Variants in NFYC observed in about 807,000 individuals in gnomAD.
NFYC encodes nuclear transcription factor Y subunit gamma, also known as CAAT box DNA-binding protein subunit C.
In NFYC, 25 loss-of-function variants were observed where a neutral mutation model predicts 53.1. The observed-to-expected ratio is 0.47, with a 90% CI of 0.34 to 0.66. NFYC has a LOEUF of 0.66. Among genes scored for constraint, NFYC ranks in the 30% least tolerant of loss-of-function variants. NFYC has a pLI of 0.01. For missense variants in NFYC, 260 were observed against 422.7 expected, an observed-to-expected ratio of 0.62 and a Z score of 3.38; for synonymous variants, 145 against 152.6, an observed-to-expected ratio of 0.95 and a Z score of 0.37.
At chr1:40,763,618 A>AT (rs1346006760) in intron 7 of NFYC, 3 of 344,968 alleles carry the variant, frequency 8.7e-6, no homozygotes, top group African/African-American at 6.5e-5. Context: ...AAGTGCTGGG[A>AT]TTACAGGCAT....
intron 1 of NFYC, among the ~76,000 whole-genome samples, chr1:40,716,009 C>T (rs1644122733): frequency 1.3e-5 from 2 of 152,164 alleles, no homozygotes; most frequent in African/African-American, 4.8e-5. Flanking sequence ...AAAGGGAAGA[C>T]CTGCTCAATT....
chr1:40,714,948 C>T (rs912460964), intron 1 of NFYC, among the ~76,000 whole-genome samples: 1 of 151,926 alleles, frequency 6.6e-6, no homozygotes, highest in East Asian at 1.9e-4. Flanking sequence ...GGTGTGGTGG[C>T]GGGCGCCTGT....
intron 1 of NFYC, chr1:40,723,378 A>C (rs1644395603): frequency 6.6e-6 from 1 of 152,242 alleles, no homozygotes; most frequent in South Asian, 2.1e-4. Flanking sequence ...TTGAGGCCTG[A>C]AAAACCAGTT....
chr1:40,728,894 T>C (rs1041319915), intron 1 of NFYC, among the ~76,000 whole-genome samples: 1 of 152,220 alleles, frequency 6.6e-6, no homozygotes, highest in Non-Finnish European at 1.5e-5. Flanking sequence ...CGCCTTGGCC[T>C]CCCAAAGTGT....
At chr1:40,692,147 C>A in intron 1 of NFYC, 1 of 186,344 alleles carries the variant, frequency 5.4e-6, no homozygotes, top group Non-Finnish European at 1.2e-5. Flanking sequence ...TGGTCGGTGG[C>A]GGGGAGGCCG....
chr1:40,761,613 G>A (rs1269144029), intron 6 of NFYC, among the ~76,000 whole-genome samples: 5 of 152,102 alleles, frequency 3.3e-5, no homozygotes, highest in Admixed American at 2.0e-4. Context: ...ACACTCTGTC[G>A]TCTTTCTTTT....
rs113112874 is a variant in NFYC, at chr1:40,729,107, T to G, written c.-8-9729T>G. Among the ~76,000 whole-genome samples the G allele has an allele frequency of 1.6e-4, 24 of 152,188 alleles. 4 individuals are homozygous for G. The highest frequency in any genetic ancestry group is 5.5e-4 in the African/African-American group (23 of 41,516). On this transcript the variant is annotated intron_variant, in intron 1 of 9. Transcript: ENST00000447388. ...CTCCATTTATAGAGCACAGGCAGAG[T>G]AGATTTTGTATAATTCTTAAGGGCC...
chr1:40,721,196 C>T (rs1042535319), intron 1 of NFYC, among the ~76,000 whole-genome samples: 3 of 152,168 alleles, frequency 2.0e-5, no homozygotes, highest in African/African-American at 7.2e-5. Context: ...AATGTGTAGA[C>T]AGTGTTTAAT....
rs1645046347 is a variant in NFYC, at chr1:40,736,801, G to T, written c.-8-2035G>T. The stretch of plus-strand genomic sequence containing the variant: ...CAGATTTGGGATGCTCAACCAGTAA[G>T]TATAATGCAAACTTATTCCAAAAAA... On this transcript the variant is annotated intron_variant, in intron 1 of 9. Transcript: ENST00000447388. Among the ~76,000 whole-genome samples, 5 of 114,070 alleles carry T rather than the reference G, an allele frequency of 4.4e-5. No homozygotes were observed. In the South Asian group the frequency reaches 1.5e-3, roughly 34 times the overall value. The allele number at this position is 114,070 out of a possible 152,430, so 74.8% of individuals were successfully genotyped here.
intron 1 of NFYC, among the ~76,000 whole-genome samples, chr1:40,706,309 A>G (rs867898445): frequency 1.5e-4 from 23 of 152,106 alleles, no homozygotes; most frequent in African/African-American, 5.3e-4. Context: ...TAGAGGGGTA[A>G]AGTCTGTAAT....
At chr1:40,739,664 A>G (rs1389963289) in intron 2 of NFYC, among the ~76,000 whole-genome samples, 2 of 152,194 alleles carry the variant, frequency 1.3e-5, no homozygotes, top group Non-Finnish European at 2.9e-5. Context: ...GGAGCTTACA[A>G]TCTAGTAATT....
At chr1:40,698,379 T>A (rs937818912) in intron 1 of NFYC, among the ~76,000 whole-genome samples, 6 of 150,528 alleles carry the variant, frequency 4.0e-5, no homozygotes, top group African/African-American at 1.5e-4. Flanking sequence ...AAAAAAAAAA[T>A]TCACGTTCAA....
At chr1:40,764,629 C>T (rs772042008) in intron 7 of NFYC, among the ~76,000 whole-genome samples, 4 of 152,240 alleles carry the variant, frequency 2.6e-5, no homozygotes, top group Non-Finnish European at 5.9e-5. Context: ...ACTACTTCAT[C>T]TTCACTGGCT....
chr1:40,768,248 T>C (rs1291876625), intron 8 of NFYC, among the ~76,000 whole-genome samples: 1 of 152,246 alleles, frequency 6.6e-6, no homozygotes, highest in Non-Finnish European at 1.5e-5. Context: ...TTAACCTTCT[T>C]ATCTATGTGG....
chr1:40,769,340 A>G lies in NFYC; in HGVS notation c.829-16A>G, dbSNP rs549969597. On this transcript the variant is annotated splice_polypyrimidine_tract_variant and intron_variant, in intron 8 of 9. Transcript: ENST00000447388. ...CTGCAGCTGACATACCAACTCTACC[A>G]TCTTGATTCTTACAGATTACACAGA... is the stretch of plus-strand genomic sequence containing the variant. 2.9e-5 allele frequency: 46 copies of G among 1,613,926 alleles called. No individual in the cohort carries two copies. In the South Asian group the frequency reaches 4.1e-4, roughly 14 times the overall value.
Position 40,769,388 on chromosome 1 carries a change from GCAGTTCAGC to G in NFYC, c.869_877del (p.Ser290_Phe292del), listed in dbSNP as rs764910489. 2.7e-5 allele frequency: 44 copies of G among 1,614,176 alleles called. No individual in the cohort carries two copies. Among genetic ancestry groups the G allele is most frequent in the Non-Finnish European group, 3.7e-5 (44 of 1,180,020 alleles). Reference sequence around the variant, plus strand: ...AGACAGAGGTCCAGCAAGGACAGCAGCAGTTCAGCCAGTTCACAGATGGACAGGTAGGGT... The same window carrying G: ...AGACAGAGGTCCAGCAAGGACAGCAGCAGTTCACAGATGGACAGGTAGGGT... On this transcript the variant is annotated inframe_deletion, in exon 9 of 10. Coordinates refer to ENST00000447388, the MANE Select transcript of NFYC (RefSeq NM_014223.5).
intron 1 of NFYC, among the ~76,000 whole-genome samples, chr1:40,728,745 C>A (rs542076634): frequency 6.6e-4 from 101 of 152,200 alleles, no homozygotes; most frequent in African/African-American, 2.3e-3. Context: ...TTAAGCGATT[C>A]TCCTGCCTCA....
chr1:40,699,236 T>C (rs537998948), intron 1 of NFYC, among the ~76,000 whole-genome samples: 5 of 152,136 alleles, frequency 3.3e-5, no homozygotes, highest in Non-Finnish European at 7.3e-5. Flanking sequence ...GTATAGAATA[T>C]TTTGTATCAT....
chr1:40,722,579 C>T (rs1403554413), intron 1 of NFYC, among the ~76,000 whole-genome samples: 1 of 152,206 alleles, frequency 6.6e-6, no homozygotes, highest in Non-Finnish European at 1.5e-5. Flanking sequence ...TGTCTAGCTT[C>T]AGGCAGCCAT....
Sources: gnomAD v4.1 joint callset for allele counts (sites outside exome capture counted in the v4.1 genomes callset) on GRCh38, gnomAD v4.1.1 for gene constraint, MANE v1.5 for transcripts, NCBI Gene and HGNC (gene_info 2026-07-23, HGNC 2026-07-21) for gene names.